GCSAML: variants seen among roughly 807,000 people sequenced by gnomAD.
GCSAML encodes the protein germinal center-associated signaling and motility-like protein.
GCSAML carries 9 observed loss-of-function variants against 13.0 expected under a neutral mutation model. That is an observed-to-expected ratio of 0.69 (90% CI 0.42 to 1.21). The LOEUF (loss-of-function observed/expected upper bound fraction) is 1.21. Among genes scored for constraint, GCSAML ranks in the 50% most tolerant of loss-of-function variants. The pLI, the probability that GCSAML is intolerant of heterozygous loss-of-function variation, is 0.00. For missense variants in GCSAML, 143 were observed against 153.4 expected, an observed-to-expected ratio of 0.93 and a Z score of 0.36; for synonymous variants, 37 against 52.9, an observed-to-expected ratio of 0.70 and a Z score of 1.31.
At chr1:247,519,066 AAAAC>A (rs1666326477) in intron 1 of GCSAML, 1 of 150,002 alleles carries the variant, frequency 6.7e-6, no homozygotes, top group South Asian at 2.1e-4. Flanking sequence ...TCTCAAAACA[AAAAC>A]AAAAACAAAC....
chr1:247,563,520 CT>C (rs142922665), intron 2 of GCSAML, 69 bp from the exon 3 acceptor site: 12 of 923,910 alleles, frequency 1.3e-5, no homozygotes, highest in African/African-American at 1.0e-4. Flanking sequence ...CAACCAAATG[CT>C]TTTTTTGAAA....
rs1666727087 is a variant in GCSAML at position 247,527,459 on chromosome 1, A to C, written c.-148+405A>C. The stretch of plus-strand genomic sequence containing the variant: ...TCTACCAACTTGACTACTGAGCTTA[A>C]ACAAAGCCATGAACTGGCAGATGAA... On this transcript the variant is annotated intron_variant, in intron 2 of 5. Coordinates refer to the GCSAML transcript ENST00000366489. The surrounding 1 kb of genome is among the most constrained non-coding windows in gnomAD (Gnocchi z 4.6). 4 of 153,296 alleles carry C rather than the reference A, an allele frequency of 2.6e-5. No homozygotes were observed. The highest frequency in any genetic ancestry group is 4.4e-5 in the Non-Finnish European group (3 of 68,804). 9.5% of individuals were successfully genotyped at this position (153,296 alleles called of 1,614,324 possible).
intron 1 of GCSAML, among the ~76,000 whole-genome samples, chr1:247,522,815 C>G: frequency 6.6e-6 from 1 of 152,030 alleles, no homozygotes; most frequent in South Asian, 2.1e-4. Flanking sequence ...AACCAGAGAC[C>G]CTTGTTCACT....
Position 247,577,012 on chromosome 1 carries a change from G to A in GCSAML, c.*2630G>A, listed in dbSNP as rs148372084. ...AAATCCAAGAGCATCAATGTCTTCTGGTGGTTCACCATAAGCCACAGCAGA... is the reference window on the plus strand; with the variant it reads ...AAATCCAAGAGCATCAATGTCTTCTAGTGGTTCACCATAAGCCACAGCAGA... On this transcript the variant is annotated 3_prime_UTR_variant, in exon 5 of 5. Coordinates refer to ENST00000366488, the MANE Select transcript of GCSAML (RefSeq NM_145278.5). 1.1e-4 allele frequency: 16 copies of A among 152,252 alleles called. No homozygotes were observed. Among genetic ancestry groups the A allele is most frequent in the African/African-American group, 3.9e-4 (16 of 41,552 alleles). The allele number at this position is 152,252 out of a possible 1,614,324, so 9.4% of individuals were successfully genotyped here. A position where few individuals can be genotyped will look rare whatever the true frequency, so the allele number is the denominator to read the frequency against.
chr1:247,569,012 T>C (rs78228349), intron 4 of GCSAML, among the ~76,000 whole-genome samples: 22,378 of 152,096 alleles, frequency 0.15, 2,218 homozygotes, highest in Middle Eastern at 0.23. Flanking sequence ...TCTTTGTCTG[T>C]TATTGGTGTA....
intron 1 of GCSAML, among the ~76,000 whole-genome samples, chr1:247,508,739 T>G (rs1008810312): frequency 6.6e-6 from 1 of 152,162 alleles, no homozygotes; most frequent in Non-Finnish European, 1.5e-5. Context: ...GGCTAGCCAG[T>G]TTTCCCAGCA....
chr1:247,574,599 A>G lies in GCSAML; in HGVS notation c.*217A>G, dbSNP rs920741489. 1.6e-5 allele frequency: 9 copies of G among 545,612 alleles called. No individual in the cohort carries two copies. The Admixed American group carries it at 2.8e-4, about 17-fold the overall frequency. 33.8% of individuals were successfully genotyped at this position (545,612 alleles called of 1,614,324 possible). A position where few individuals can be genotyped will look rare whatever the true frequency, so the allele number is the denominator to read the frequency against. ...TTGACACAATGACCTAAAATATTCTATGTGTTTTTGCTTGTAAAGTTTGAG... is the reference window on the plus strand; with the variant it reads ...TTGACACAATGACCTAAAATATTCTGTGTGTTTTTGCTTGTAAAGTTTGAG... On this transcript the variant is annotated 3_prime_UTR_variant, in exon 5 of 5. Coordinates refer to ENST00000366488, the MANE Select transcript of GCSAML (RefSeq NM_145278.5).
chr1:247,543,149 T>G (rs1378592856), intron 2 of GCSAML, among the ~76,000 whole-genome samples: 1 of 152,246 alleles, frequency 6.6e-6, no homozygotes, highest in Admixed American at 6.5e-5. Context: ...CGTTTGGATA[T>G]AATATAAGTA....
At chr1:247,565,454 G>A (rs1668311653) in intron 3 of GCSAML, among the ~76,000 whole-genome samples, 1 of 151,792 alleles carries the variant, frequency 6.6e-6, no homozygotes, top group South Asian at 2.1e-4. Context: ...GCATATTTGT[G>A]TGTAACTTGA....
At chr1:247,559,308 G>A (rs1203638981) in intron 2 of GCSAML, among the ~76,000 whole-genome samples, 2 of 152,116 alleles carry the variant, frequency 1.3e-5, no homozygotes, top group Non-Finnish European at 2.9e-5. Flanking sequence ...TAATCTACTG[G>A]TTTATTTGAG....
intron 2 of GCSAML, chr1:247,532,339 G>C (rs1313821924): frequency 1.9e-6 from 3 of 1,613,916 alleles, no homozygotes; most frequent in Non-Finnish European, 2.5e-6. Flanking sequence ...GTACATAGGT[G>C]TGTGGAGGTG....
At chr1:247,530,010 C>T (rs1376393915) in intron 2 of GCSAML, 2 of 151,776 alleles carry the variant, frequency 1.3e-5, no homozygotes, top group African/African-American at 2.4e-5. Flanking sequence ...CAATCTCTCT[C>T]ACTCTTTTTT....
intron 4 of GCSAML, among the ~76,000 whole-genome samples, chr1:247,572,003 T>TA (rs1668634670): frequency 6.6e-6 from 1 of 152,246 alleles, no homozygotes. Context: ...TGGCTATTGA[T>TA]ACTTGTGTAT....
chr1:247,540,859 C>A (rs1283229297), intron 2 of GCSAML, among the ~76,000 whole-genome samples: 1 of 152,188 alleles, frequency 6.6e-6, no homozygotes, highest in Non-Finnish European at 1.5e-5. Flanking sequence ...GTCATTCATG[C>A]ATTTCCTAAA....
chr1:247,548,971 C>T (rs956764233), upstream of GCSAML: 15 of 1,169,698 alleles, frequency 1.3e-5, no homozygotes, highest in Non-Finnish European at 1.5e-5. This position sits in a 1 kb window ranked among gnomAD's most constrained non-coding sequence, Gnocchi z 5.3. Context: ...TGCGTGCAGG[C>T]ACACACACGC....
chr1:247,516,917 G>A (rs1459187833), intron 1 of GCSAML, among the ~76,000 whole-genome samples: 3 of 152,160 alleles, frequency 2.0e-5, no homozygotes, highest in African/African-American at 7.2e-5. Context: ...CTTGATGGGT[G>A]TCTATTTAAT....
At chr1:247,520,855 A>G (rs1666390750) in intron 1 of GCSAML, among the ~76,000 whole-genome samples, 1 of 152,202 alleles carries the variant, frequency 6.6e-6, no homozygotes, top group Admixed American at 6.5e-5. Flanking sequence ...TTACGTCTAT[A>G]CTACTTTATC....
In GCSAML at chr1:247,575,831, C is replaced by A. The variant is rs371001681; in HGVS notation, c.*1449C>A. On this transcript the variant is annotated 3_prime_UTR_variant, in exon 5 of 5. Transcript: ENST00000366488. ...GTAGTTTCTGGTTTTAAAATTCAAGCAAACTGGAAAATAATCCATCTAATT... is the reference window on the plus strand; with the variant it reads ...GTAGTTTCTGGTTTTAAAATTCAAGAAAACTGGAAAATAATCCATCTAATT... 1.3e-5 allele frequency: 2 copies of A among 152,260 alleles called. No homozygotes were observed. The highest frequency in any genetic ancestry group is 1.9e-4 in the East Asian group (1 of 5,182). The allele number at this position is 152,260 out of a possible 1,614,324, so 9.4% of individuals were successfully genotyped here. A position where few individuals can be genotyped will look rare whatever the true frequency, so the allele number is the denominator to read the frequency against.
Position 247,527,261 on chromosome 1 carries a change from C to T in GCSAML, c.-148+207C>T, listed in dbSNP as rs545101045. 1.4e-5 allele frequency: 5 copies of T among 357,652 alleles called. No individual in the cohort carries two copies. Among genetic ancestry groups the T allele is most frequent in the Non-Finnish European group, 2.2e-5 (4 of 182,218 alleles). The allele number at this position is 357,652 out of a possible 1,614,324, so 22.2% of individuals were successfully genotyped here. A position where few individuals can be genotyped will look rare whatever the true frequency, so the allele number is the denominator to read the frequency against. On this transcript the variant is annotated intron_variant, in intron 2 of 5. Coordinates refer to the GCSAML transcript ENST00000366489. This position sits in a 1 kb window ranked among gnomAD's most constrained non-coding sequence, Gnocchi z 4.6. ...TGGTCAGGGCAAAGCACAGTGCTGT[C>T]CTCATGGTTCTGGGAGGGTCTGCGT...
Sources: gnomAD v4.1 joint callset for allele counts (sites outside exome capture counted in the v4.1 genomes callset) on GRCh38, gnomAD v4.1.1 for gene constraint, Gnocchi (gnomAD v3.1) non-coding constraint, MANE v1.5 for transcripts, NCBI Gene and HGNC (gene_info 2026-07-23, HGNC 2026-07-21) for gene names.